The following POFUT2 variants were observed in gnomAD, a reference collection of about 807,000 sequenced individuals.
POFUT2 encodes GDP-fucose protein O-fucosyltransferase 2.
A neutral mutation model predicts 55.0 loss-of-function variants in POFUT2; 30 were observed. The ratio of observed to expected loss-of-function variants is 0.55; its 90% CI spans 0.41 to 0.74. The LOEUF is 0.74. Ranked by LOEUF, POFUT2 falls within the 30% of genes least tolerant of loss-of-function variation. POFUT2 has a pLI of 0.00. For synonymous variants in POFUT2, 267 were observed against 231.1 expected (o/e 1.16, Z -1.41); for missense variants, 524 against 562.6 (o/e 0.93, Z 0.69).
chr21:45,280,200 G>C (rs992880276), intron 4 of POFUT2, among the ~76,000 whole-genome samples: 4 of 152,262 alleles, frequency 2.6e-5, no homozygotes, highest in African/African-American at 9.6e-5. Context: ...CCCGTCCTCA[G>C]GGGCCTCCCC....
chr21:45,276,240 AAG>A (rs1159214218), intron 6 of POFUT2, among the ~76,000 whole-genome samples: 1 of 133,844 alleles, frequency 7.5e-6, no homozygotes, highest in Non-Finnish European at 1.6e-5. Flanking sequence ...TAAAATTAAA[AAG>A]AATAAAAAAA....
rs2029888376 is a variant in POFUT2 at position 45,277,150 on chromosome 21, A to AACGGCG, written c.706-14_706-9dup. 6.2e-7 allele frequency: 1 copy of AACGGCG among 1,611,918 alleles called. No homozygotes were observed. The highest frequency in any genetic ancestry group is 2.2e-5 in the East Asian group (1 of 44,854). ...CACCATGCTGCGACGGGTCTGTGGA[A>AACGGCG]ACGGCGACGGCTCGGCTGAGAACAC... On this transcript the variant is annotated splice_polypyrimidine_tract_variant and intron_variant, in intron 5 of 8. Coordinates refer to ENST00000349485, the MANE Select transcript of POFUT2 (RefSeq NM_133635.6). The surrounding 1 kb of genome is among the most constrained non-coding windows in gnomAD (Gnocchi z 6.9).
chr21:45,286,851 G>A (rs1360015520), intron 1 of POFUT2, among the ~76,000 whole-genome samples: 1 of 152,160 alleles, frequency 6.6e-6, no homozygotes, highest in African/African-American at 2.4e-5. Flanking sequence ...CTGCGTCCAG[G>A]CCCCTCCCGG....
In POFUT2 at chr21:45,265,559, T is replaced by C; in HGVS notation, c.1213A>G (p.Lys405Glu). The C allele has an allele frequency of 2.5e-6, 4 of 1,614,118 alleles. No individual in the cohort carries two copies. The highest frequency in any genetic ancestry group is 2.2e-5 in the South Asian group (2 of 91,088). The change falls in exon 9 of 9, where the codon AAG becomes GAG. Residue 405 changes from lysine to glutamate, a missense_variant. By Grantham distance (56) the Lys-to-Glu change is moderately conservative. Coordinates refer to ENST00000349485, the MANE Select transcript of POFUT2 (RefSeq NM_133635.6). This position sits in a 1 kb window ranked among gnomAD's most constrained non-coding sequence, Gnocchi z 4.6. ...CCGCAGAACCTGTTGTACGTCGTCTTGGGGTCCAACCCCAGGATTTCTCTT... is the reference window on the plus strand; with the variant it reads ...CCGCAGAACCTGTTGTACGTCGTCTCGGGGTCCAACCCCAGGATTTCTCTT... ...EEREILGLDP[K>E]TTYNRFCGDQ...
At chr21:45,278,291 C>T (rs1017143391) in intron 4 of POFUT2, 122 bp from the exon 5 acceptor site, 8 of 857,186 alleles carry the variant, frequency 9.3e-6, no homozygotes, top group Non-Finnish European at 1.4e-5. Flanking sequence ...CTCCGAGGGA[C>T]ACTAACCAGG....
At chr21:45,269,022 G>A (rs1275529282) in intron 7 of POFUT2, among the ~76,000 whole-genome samples, 4 of 97,476 alleles carry the variant, frequency 4.1e-5, no homozygotes, top group African/African-American at 9.7e-5. Flanking sequence ...CAGCCGCCCC[G>A]TCTGGGAGGG....
chr21:45,280,334 G>A (rs1211238167), intron 4 of POFUT2, among the ~76,000 whole-genome samples: 1 of 151,854 alleles, frequency 6.6e-6, no homozygotes, highest in East Asian at 1.9e-4. Flanking sequence ...TCTCTTTGTT[G>A]AACACGGCAG....
intron 1 of POFUT2, among the ~76,000 whole-genome samples, chr21:45,286,645 C>T (rs911457014): frequency 6.6e-6 from 1 of 152,214 alleles, no homozygotes; most frequent in African/African-American, 2.4e-5. Flanking sequence ...GATCACTGCC[C>T]TAGAGGAAGG....
At chr21:45,279,215 C>T (rs1465754880) in intron 4 of POFUT2, among the ~76,000 whole-genome samples, 3 of 152,124 alleles carry the variant, frequency 2.0e-5, no homozygotes, top group Non-Finnish European at 2.9e-5. Flanking sequence ...GACGGTGAAA[C>T]CCCGTCTCTA....
Position 45,267,488 on chromosome 21 carries a change from T to C in POFUT2, c.1136+102A>G. On this transcript the variant is annotated intron_variant, in intron 8 of 8. Coordinates refer to ENST00000349485, the MANE Select transcript of POFUT2 (RefSeq NM_133635.6). This position sits in a 1 kb window ranked among gnomAD's most constrained non-coding sequence, Gnocchi z 4.4. ...GCAAACAGTATGGAAATGACCACTG[T>C]GAACACAGGCGACCATCTGCTCTGA... is the stretch of plus-strand genomic sequence containing the variant. 1 of 1,614,142 alleles carries C rather than the reference T, an allele frequency of 6.2e-7. No homozygotes were observed. The highest frequency in any genetic ancestry group is 1.6e-4 in the Middle Eastern group (1 of 6,062).
intron 4 of POFUT2, among the ~76,000 whole-genome samples, chr21:45,280,545 G>C (rs189044143): frequency 6.6e-6 from 1 of 152,306 alleles, no homozygotes; most frequent in Non-Finnish European, 1.5e-5. Context: ...GCCCCTGCAG[G>C]CCTGTCCTCC....
Position 45,277,941 on chromosome 21 carries a change from T to C in POFUT2, c.705+162A>G, listed in dbSNP as rs368473132. Among the ~76,000 whole-genome samples, 4 of 152,132 alleles carry C rather than the reference T, an allele frequency of 2.6e-5. No individual in the cohort carries two copies. In the East Asian group the frequency reaches 7.7e-4, roughly 29 times the overall value. On this transcript the variant is annotated intron_variant, in intron 5 of 8. Coordinates refer to ENST00000349485, the MANE Select transcript of POFUT2 (RefSeq NM_133635.6). This position sits in a 1 kb window ranked among gnomAD's most constrained non-coding sequence, Gnocchi z 6.9. Reference sequence around the variant, plus strand: ...ACCTGGCTCTGCAGCCACGTGAGGCTTGGGGGTGGCACAGTCACCGCAGTT... The same window carrying C: ...ACCTGGCTCTGCAGCCACGTGAGGCCTGGGGGTGGCACAGTCACCGCAGTT...
At chr21:45,268,851 G>C in intron 7 of POFUT2, among the ~76,000 whole-genome samples, 1 of 108,822 alleles carries the variant, frequency 9.2e-6, no homozygotes, top group Non-Finnish European at 2.0e-5. Flanking sequence ...GCCCCGTCCG[G>C]GAGGGAGGTG....
chr21:45,272,167 A>C (rs1197447453), intron 6 of POFUT2, among the ~76,000 whole-genome samples: 1 of 152,214 alleles, frequency 6.6e-6, no homozygotes, highest in East Asian at 1.9e-4. Context: ...CAAGAGACTG[A>C]CCTAACACAT....
Position 45,285,550 on chromosome 21 carries a change from G to T in POFUT2, c.382+128C>A. 2 of 1,117,736 alleles carry T rather than the reference G, an allele frequency of 1.8e-6. No homozygotes were observed. Among genetic ancestry groups the T allele is most frequent in the South Asian group, 1.3e-5 (1 of 78,376 alleles). 69.2% of individuals were successfully genotyped at this position (1,117,736 alleles called of 1,614,324 possible). Reference sequence around the variant, plus strand: ...GTGCTGCCACAGGCCTCAGGCAGCAGCACTGGGCACTGGAGGATGCTGGTG... The same window carrying T: ...GTGCTGCCACAGGCCTCAGGCAGCATCACTGGGCACTGGAGGATGCTGGTG... On this transcript the variant is annotated intron_variant, in intron 2 of 8. Transcript: ENST00000349485. This position sits in a 1 kb window ranked among gnomAD's most constrained non-coding sequence, Gnocchi z 4.9.
Position 45,277,147 on chromosome 21 carries a change from G to A in POFUT2, c.706-5C>T, listed in dbSNP as rs369360071. The A allele has an allele frequency of 5.6e-6, 9 of 1,612,466 alleles. No homozygotes were observed. Among genetic ancestry groups the A allele is most frequent in the Non-Finnish European group, 6.8e-6 (8 of 1,179,742 alleles). ...AAACACCATGCTGCGACGGGTCTGTGGAAACGGCGACGGCTCGGCTGAGAA... is the reference window on the plus strand; with the variant it reads ...AAACACCATGCTGCGACGGGTCTGTAGAAACGGCGACGGCTCGGCTGAGAA... On this transcript the variant is annotated splice_region_variant and splice_polypyrimidine_tract_variant and intron_variant, in intron 5 of 8. Transcript: ENST00000349485. This position sits in a 1 kb window ranked among gnomAD's most constrained non-coding sequence, Gnocchi z 6.9.
At chr21:45,272,639 A>T (rs1020924356) in intron 6 of POFUT2, among the ~76,000 whole-genome samples, 7 of 152,224 alleles carry the variant, frequency 4.6e-5, no homozygotes, top group African/African-American at 1.7e-4. Flanking sequence ...TCCAAGATAA[A>T]CCATATGATT....
In POFUT2 at chr21:45,269,378, G is replaced by A. The variant is rs1483783125; in HGVS notation, c.1012+461C>T. On this transcript the variant is annotated intron_variant, in intron 7 of 8. Coordinates refer to ENST00000349485, the MANE Select transcript of POFUT2 (RefSeq NM_133635.6). ...AAGGTGGGGAAAAGATTGAGAAATCGGATGGTTGCCGTGTCTGTGTAGAAA... is the reference window on the plus strand; with the variant it reads ...AAGGTGGGGAAAAGATTGAGAAATCAGATGGTTGCCGTGTCTGTGTAGAAA... 2.0e-4 allele frequency among the ~76,000 whole-genome samples: 31 copies of A among 152,170 alleles called. No individual in the cohort carries two copies. The South Asian group carries it at 2.1e-3, about 10-fold the overall frequency.
At position 45,283,501 on chromosome 21, in the gene POFUT2, C is replaced by G. The variant is rs776878665; in HGVS notation, c.409G>C (p.Val137Leu). Reference protein sequence around the residue: ...AESGGPFIDQVYVLQSYAEGW... With the variant: ...AESGGPFIDQLYVLQSYAEGW... ...TCTGCGTAACTTTGCAGGACGTAAA[C>G]CTGGTCAATAAAGGGCCCACCAGAT... Residue 137 changes from valine to leucine, a missense_variant, in exon 3 of 9, where the codon GTT becomes CTT. By Grantham distance (32) the Val-to-Leu change is conservative. Coordinates refer to ENST00000349485, the MANE Select transcript of POFUT2 (RefSeq NM_133635.6). The G allele has an allele frequency of 1.9e-6, 3 of 1,613,812 alleles. No individual in the cohort carries two copies. Among genetic ancestry groups the G allele is most frequent in the East Asian group, 4.5e-5 (2 of 44,890 alleles).
Sources: allele counts gnomAD v4.1 joint callset (sites outside exome capture counted in the v4.1 genomes callset), GRCh38; gene constraint gnomAD v4.1.1; non-coding constraint Gnocchi (gnomAD v3.1); transcripts MANE v1.5; gene names NCBI Gene and HGNC (gene_info 2026-07-23, HGNC 2026-07-21).